The following BBX variants were observed in gnomAD, a reference collection of about 807,000 sequenced individuals.
BBX encodes the protein BBX high mobility group box domain containing.
Under a neutral mutation model 100.2 loss-of-function variants are expected in BBX, and 30 were observed. The observed-to-expected ratio is 0.30, with a 90% confidence interval of 0.22 to 0.41. The LOEUF (loss-of-function observed/expected upper bound fraction) is 0.41, where lower values mean the gene tolerates loss of function less well. Ranked by LOEUF, BBX falls within the 10% of genes least tolerant of loss-of-function variation. The pLI is 1.00. For missense variants in BBX, 1,023 were observed against 1,129.8 expected (o/e 0.91, Z 1.35); for synonymous variants, 376 against 388.1 (o/e 0.97, Z 0.37).
At chr3:107,799,149 CA>C (rs1225807742) in intron 16 of BBX, among the ~76,000 whole-genome samples, 36 of 126,964 alleles carry the variant, frequency 2.8e-4, no homozygotes, top group South Asian at 5.3e-4. Context: ...GACTCTGTCT[CA>C]AAAAAAAAAA....
At chr3:107,744,588 T>A (rs866976865) in intron 7 of BBX, 42 bp from the exon 8 acceptor site, 5 of 1,500,680 alleles carry the variant, frequency 3.3e-6, no homozygotes, top group Middle Eastern at 1.7e-4. Context: ...CCTAACACAG[T>A]AAATAGTACA....
intron 2 of BBX, among the ~76,000 whole-genome samples, chr3:107,598,030 G>T (rs1180796148): frequency 6.6e-6 from 1 of 152,072 alleles, no homozygotes; most frequent in African/African-American, 2.4e-5. Context: ...TTTAGGAGAG[G>T]GTACTTGGAA....
chr3:107,746,599 A>T (rs1016227056), intron 8 of BBX, among the ~76,000 whole-genome samples: 1 of 151,836 alleles, frequency 6.6e-6, no homozygotes, highest in Non-Finnish European at 1.5e-5. Context: ...ACAATTAATT[A>T]CTCAGTCAGT....
chr3:107,631,293 T>G lies in BBX; in HGVS notation c.-83-14543T>G, dbSNP rs1576082743. On this transcript the variant is annotated intron_variant, in intron 2 of 17. Transcript: ENST00000325805. ...GCCTAATCAAACATACCTCATAAAG[T>G]GCCCGGGCAGGCACTTGGATAAAAA... Among the ~76,000 whole-genome samples, 4 of 152,162 alleles carry G rather than the reference T, an allele frequency of 2.6e-5. No individual in the cohort carries two copies. The South Asian group carries it at 8.3e-4, about 31-fold the overall frequency.
intron 9 of BBX, among the ~76,000 whole-genome samples, chr3:107,750,819 T>G (rs1343264685): frequency 6.6e-6 from 1 of 152,210 alleles, no homozygotes; most frequent in Non-Finnish European, 1.5e-5. Context: ...TCCCTAAAGC[T>G]CTTAGAATTA....
intron 2 of BBX, among the ~76,000 whole-genome samples, chr3:107,545,506 G>A (rs910708759): frequency 2.0e-5 from 3 of 152,154 alleles, no homozygotes; most frequent in African/African-American, 4.8e-5. Flanking sequence ...AGTACCTTAT[G>A]TTTTGCTGGA....
At chr3:107,766,361 A>G (rs1352895485) in intron 10 of BBX, among the ~76,000 whole-genome samples, 2 of 152,226 alleles carry the variant, frequency 1.3e-5, no homozygotes, top group African/African-American at 4.8e-5. Context: ...TAAGACAAAA[A>G]TTACTCTAAA....
At position 107,630,205 on chromosome 3, in the gene BBX, G is replaced by A. The variant is rs557678592; in HGVS notation, c.-83-15631G>A. 5.9e-5 allele frequency among the ~76,000 whole-genome samples: 9 copies of A among 152,262 alleles called. No individual in the cohort carries two copies. The East Asian group carries it at 1.5e-3, about 26-fold the overall frequency. On this transcript the variant is annotated intron_variant, in intron 2 of 17. Transcript: ENST00000325805. ...ATTATTCTGATTTAATTGGTTTAGG[G>A]GAGAGAATGTGTGGTTATCTGCATA...
intron 2 of BBX, among the ~76,000 whole-genome samples, chr3:107,556,905 C>T (rs2050133037): frequency 6.6e-6 from 1 of 152,204 alleles, no homozygotes; most frequent in African/African-American, 2.4e-5. Flanking sequence ...GGTCATAGCC[C>T]AAATTTTGTT....
intron 2 of BBX, among the ~76,000 whole-genome samples, chr3:107,528,528 A>G (rs913212409): frequency 1.3e-5 from 2 of 152,224 alleles, no homozygotes; most frequent in Admixed American, 1.3e-4. Context: ...TGTTCAAGGT[A>G]TATGAGTTTT....
intron 2 of BBX, among the ~76,000 whole-genome samples, chr3:107,558,775 A>G (rs1366913792): frequency 1.3e-5 from 2 of 152,194 alleles, no homozygotes; most frequent in Non-Finnish European, 2.9e-5. Context: ...TTTGAATTCA[A>G]GCAGCCTAGC....
chr3:107,710,709 A>G (rs191938995), intron 4 of BBX, 87 bp downstream of exon 4: 27 of 1,283,678 alleles, frequency 2.1e-5, no homozygotes, highest in African/African-American at 9.1e-5. Context: ...TGATATTACA[A>G]AAGTGTTTCC....
chr3:107,534,676 T>TA (rs1289641423), intron 2 of BBX, among the ~76,000 whole-genome samples: 1 of 152,228 alleles, frequency 6.6e-6, no homozygotes, highest in African/African-American at 2.4e-5. Flanking sequence ...ACTGCCTATA[T>TA]AAAAAATTGT....
At chr3:107,628,460 TTTGAAGCC>T (rs1172195688) in intron 2 of BBX, among the ~76,000 whole-genome samples, 6 of 152,052 alleles carry the variant, frequency 3.9e-5, no homozygotes, top group African/African-American at 1.2e-4. Flanking sequence ...AAACTAATCA[TTTGAAGCC>T]TCTCAGTAAA....
chr3:107,538,464 C>T (rs911482222), intron 2 of BBX, among the ~76,000 whole-genome samples: 5 of 152,090 alleles, frequency 3.3e-5, no homozygotes, highest in African/African-American at 1.2e-4. Flanking sequence ...ATTTCAAAAA[C>T]AGCTAGATGG....
At chr3:107,528,297 A>G (rs914113651) in intron 2 of BBX, among the ~76,000 whole-genome samples, 3 of 152,170 alleles carry the variant, frequency 2.0e-5, no homozygotes, top group African/African-American at 4.8e-5. Flanking sequence ...ATTATTCTGC[A>G]TGTCTCTGTT....
chr3:107,573,604 T>C (rs2051543055), intron 2 of BBX, among the ~76,000 whole-genome samples: 1 of 152,222 alleles, frequency 6.6e-6, no homozygotes, highest in African/African-American at 2.4e-5. Context: ...TAACATGTTA[T>C]GTGGGCTTTA....
At chr3:107,706,803 C>G (rs1430531054) in intron 3 of BBX, among the ~76,000 whole-genome samples, 4 of 152,288 alleles carry the variant, frequency 2.6e-5, no homozygotes, top group Admixed American at 2.0e-4. Context: ...AATTTTACCT[C>G]CTCCTCATTG....
rs369075713 is a variant in BBX at position 107,622,772 on chromosome 3, G to A, written c.-83-23064G>A. ...ACATTTTAATTGTTATGAGACTCTG[G>A]GTCTTTTTTTACACATCCTGTGGAA... On this transcript the variant is annotated intron_variant, in intron 2 of 17. Coordinates refer to ENST00000325805, the MANE Select transcript of BBX (RefSeq NM_001142568.3). Among the ~76,000 whole-genome samples, 3 of 152,104 alleles carry A rather than the reference G, an allele frequency of 2.0e-5. No homozygotes were observed. The East Asian group carries it at 5.8e-4, about 29-fold the overall frequency.
Sources: gnomAD v4.1 joint callset for allele counts (sites outside exome capture counted in the v4.1 genomes callset) on GRCh38, gnomAD v4.1.1 for gene constraint, MANE v1.5 for transcripts, NCBI Gene and HGNC (gene_info 2026-07-23, HGNC 2026-07-21) for gene names.